The following FAM171A1 variants were observed in gnomAD, a reference collection of about 807,000 sequenced individuals.
The protein encoded by FAM171A1 is protein FAM171A1.
In FAM171A1, 23 loss-of-function variants were observed where a neutral mutation model predicts 74.9. That is an observed-to-expected ratio of 0.31 (90% CI 0.22 to 0.44). The LOEUF (loss-of-function observed/expected upper bound fraction) is 0.44. Ranked by LOEUF, FAM171A1 falls within the 20% of genes least tolerant of loss-of-function variation. FAM171A1 has a pLI of 1.00. For missense variants in FAM171A1, 1,162 were observed against 1,159.2 expected, an observed-to-expected ratio of 1.00 and a Z score of -0.03; for synonymous variants, 527 against 505.7, an observed-to-expected ratio of 1.04 and a Z score of -0.57.
rs184530884 is a variant in FAM171A1, at chr10:15,357,678, T to C, written c.97+13278A>G. On this transcript the variant is annotated intron_variant, in intron 1 of 7. Coordinates refer to ENST00000378116, the MANE Select transcript of FAM171A1 (RefSeq NM_001010924.2). ...TGAGATACATGCTGAAGTATTTATT[T>C]AGGGGAAAGGGCACTGATGCCTGAG... 2.6e-5 allele frequency among the ~76,000 whole-genome samples: 4 copies of C among 152,302 alleles called. No individual in the cohort carries two copies. The East Asian group carries it at 7.7e-4, about 29-fold the overall frequency.
chr10:15,221,096 C>T (rs747183656), intron 5 of FAM171A1, 36 bp from the exon 6 acceptor site: 4 of 1,532,020 alleles, frequency 2.6e-6, no homozygotes, highest in African/African-American at 2.7e-5. Context: ...GCTACAAGCA[C>T]ACCACGCTCC....
chr10:15,248,905 A>G (rs1564622425), intron 4 of FAM171A1, 90 bp from the exon 5 acceptor site: 1 of 1,199,772 alleles, frequency 8.3e-7, no homozygotes, highest in East Asian at 2.6e-5. Context: ...CGCAGCTACC[A>G]TTACCTCCTA....
chr10:15,344,351 G>A (rs903501428), intron 1 of FAM171A1, among the ~76,000 whole-genome samples: 1 of 152,104 alleles, frequency 6.6e-6, no homozygotes, highest in Non-Finnish European at 1.5e-5. Context: ...AGACCAACCT[G>A]GGCAACATAG....
chr10:15,358,223 G>C (rs955753274), intron 1 of FAM171A1, among the ~76,000 whole-genome samples: 9 of 152,110 alleles, frequency 5.9e-5, no homozygotes, highest in Non-Finnish European at 7.3e-5. Context: ...CGATCCTCCT[G>C]CCTCAGCCTC....
chr10:15,321,147 C>T (rs147245529), intron 1 of FAM171A1, among the ~76,000 whole-genome samples: 12 of 152,208 alleles, frequency 7.9e-5, no homozygotes, highest in African/African-American at 9.6e-5. Flanking sequence ...CAAGATAATA[C>T]GGCATATGTT....
At chr10:15,225,521 A>G (rs1834093971) in intron 5 of FAM171A1, among the ~76,000 whole-genome samples, 1 of 152,182 alleles carries the variant, frequency 6.6e-6, no homozygotes, top group African/African-American at 2.4e-5. Context: ...GAATTAGCAA[A>G]TTGTGTACTA....
At chr10:15,276,459 G>A (rs1342043286) in intron 2 of FAM171A1, among the ~76,000 whole-genome samples, 2 of 152,190 alleles carry the variant, frequency 1.3e-5, no homozygotes, top group African/African-American at 2.4e-5. Flanking sequence ...GATTACAGGC[G>A]TGAGCCACTG....
intron 5 of FAM171A1, among the ~76,000 whole-genome samples, chr10:15,234,637 G>C (rs996980881): frequency 6.6e-6 from 1 of 151,634 alleles, no homozygotes; most frequent in Non-Finnish European, 1.5e-5. Flanking sequence ...TGCAGGAGGG[G>C]ACCGATCAGA....
chr10:15,353,600 T>C (rs1209262650), intron 1 of FAM171A1, among the ~76,000 whole-genome samples: 1 of 152,142 alleles, frequency 6.6e-6, no homozygotes, highest in Non-Finnish European at 1.5e-5. Flanking sequence ...AAATCTGTAT[T>C]TGAAGATAAA....
At chr10:15,255,706 G>A (rs971770302) in intron 3 of FAM171A1, among the ~76,000 whole-genome samples, 1 of 151,024 alleles carries the variant, frequency 6.6e-6, no homozygotes, top group Admixed American at 6.6e-5. Flanking sequence ...CTGGAGTGCA[G>A]CGGTGTGATC....
At chr10:15,218,349 G>A (rs945964148) in intron 6 of FAM171A1, among the ~76,000 whole-genome samples, 2 of 152,072 alleles carry the variant, frequency 1.3e-5, no homozygotes, top group Non-Finnish European at 2.9e-5. Context: ...AAAGTCCTGG[G>A]ATTACAGGCA....
chr10:15,220,991 G>C lies in FAM171A1; in HGVS notation c.824C>G (p.Ala275Gly). 6.2e-7 allele frequency: 1 copy of C among 1,614,138 alleles called. No homozygotes were observed. The highest frequency in any genetic ancestry group is 8.5e-7 in the Non-Finnish European group (1 of 1,180,014). ...EGSQLTWTYIAPQLGYWVAAM... is the reference protein window; with the variant it reads ...EGSQLTWTYIGPQLGYWVAAM... ...GGCCACCCAGTACCCCAACTGGGGGGCAATGTATGTCCACGTCAGCTGGCT... is the reference window on the plus strand; with the variant it reads ...GGCCACCCAGTACCCCAACTGGGGGCCAATGTATGTCCACGTCAGCTGGCT... The change falls in exon 6 of 8, where the codon GCC becomes GGC. Residue 275 changes from alanine (A) to glycine (G), a missense_variant. Coordinates refer to ENST00000378116, the MANE Select transcript of FAM171A1 (RefSeq NM_001010924.2).
chr10:15,297,408 C>T (rs1053571760), intron 1 of FAM171A1, among the ~76,000 whole-genome samples: 1 of 152,150 alleles, frequency 6.6e-6, no homozygotes, highest in African/African-American at 2.4e-5. Flanking sequence ...TTTCTCACCC[C>T]AATCCCTGCA....
chr10:15,284,521 C>T (rs920726393), intron 1 of FAM171A1, among the ~76,000 whole-genome samples: 1 of 152,062 alleles, frequency 6.6e-6, no homozygotes, highest in African/African-American at 2.4e-5. Context: ...CTCCTGGGCT[C>T]AACTGATCCT....
intron 6 of FAM171A1, among the ~76,000 whole-genome samples, chr10:15,218,210 C>T (rs1833991891): frequency 6.6e-6 from 1 of 151,526 alleles, no homozygotes. Flanking sequence ...CTCCTGAGTA[C>T]CTGGGACTAC....
chr10:15,246,590 T>C (rs1459793353), intron 5 of FAM171A1, among the ~76,000 whole-genome samples: 2 of 152,192 alleles, frequency 1.3e-5, no homozygotes. Context: ...GATGCGATCT[T>C]GGCTCACTGC....
intron 5 of FAM171A1, among the ~76,000 whole-genome samples, chr10:15,227,815 G>A (rs1425570954): frequency 2.0e-5 from 3 of 152,082 alleles, no homozygotes; most frequent in Admixed American, 1.3e-4. Flanking sequence ...AGGTTCACTG[G>A]GTGTAAAGCA....
intron 2 of FAM171A1, among the ~76,000 whole-genome samples, chr10:15,277,625 G>A (rs1168323938): frequency 6.6e-6 from 1 of 152,138 alleles, no homozygotes; most frequent in African/African-American, 2.4e-5. Flanking sequence ...TAAATGCCAG[G>A]GCTACGATTT....
intron 1 of FAM171A1, among the ~76,000 whole-genome samples, chr10:15,307,965 G>T (rs1269019306): frequency 1.3e-5 from 2 of 151,786 alleles, no homozygotes; most frequent in Non-Finnish European, 2.9e-5. Context: ...CACCATACTG[G>T]GCTCATTTTT....
Sources: allele counts gnomAD v4.1 joint callset (sites outside exome capture counted in the v4.1 genomes callset), GRCh38; gene constraint gnomAD v4.1.1; transcripts MANE v1.5; gene names NCBI Gene and HGNC (gene_info 2026-07-23, HGNC 2026-07-21).